REDIC1: variants seen among roughly 807,000 people sequenced by gnomAD.
The protein encoded by REDIC1 is regulator of DNA class I crossover intermediates 1.
the REDIC1 span, among the ~76,000 whole-genome samples, chr12:39,880,896 C>A: frequency 6.6e-6 from 1 of 152,194 alleles, no homozygotes; most frequent in Non-Finnish European, 1.5e-5. Flanking sequence ...CACCAATTTG[C>A]CACATTGACC....
chr12:39,745,419 G>GCT, the REDIC1 span, among the ~76,000 whole-genome samples: 8,722 of 152,194 alleles, frequency 0.057, 851 homozygotes, highest in African/African-American at 0.2. Flanking sequence ...ATAAAGCTGA[G>GCT]CTACTTAATG....
the REDIC1 span, among the ~76,000 whole-genome samples, chr12:39,870,913 G>A: frequency 6.6e-6 from 1 of 152,168 alleles, no homozygotes; most frequent in African/African-American, 2.4e-5. Flanking sequence ...GACTGAAACA[G>A]TTCTATTAGA....
chr12:39,795,340 T>C, the REDIC1 span, among the ~76,000 whole-genome samples: 1 of 152,318 alleles, frequency 6.6e-6, no homozygotes, highest in South Asian at 2.1e-4. Context: ...ACTTAATTTA[T>C]CATATATTTC....
At chr12:39,697,778 A>G in the REDIC1 span, among the ~76,000 whole-genome samples, 1 of 152,154 alleles carries the variant, frequency 6.6e-6, no homozygotes, top group Non-Finnish European at 1.5e-5. Context: ...AATAAAAAGT[A>G]AGAAAATAAA....
chr12:39,890,580 A>G, the REDIC1 span, among the ~76,000 whole-genome samples: 5 of 152,340 alleles, frequency 3.3e-5, no homozygotes, highest in Middle Eastern at 3.4e-3. Flanking sequence ...GATTTCTGAC[A>G]TACTAGACTG....
the REDIC1 span, among the ~76,000 whole-genome samples, chr12:39,852,963 C>T: frequency 6.6e-6 from 1 of 152,190 alleles, no homozygotes; most frequent in Non-Finnish European, 1.5e-5. Context: ...CCAGAAAATT[C>T]TGTAACCAAT....
the REDIC1 span, among the ~76,000 whole-genome samples, chr12:39,698,247 A>G: frequency 2.0e-5 from 3 of 152,194 alleles, no homozygotes; most frequent in East Asian, 1.9e-4. Flanking sequence ...TAGTTAGGCC[A>G]TGAGTGCTCC....
the REDIC1 span, among the ~76,000 whole-genome samples, chr12:39,712,131 T>G: frequency 3.5e-5 from 5 of 143,494 alleles, no homozygotes; most frequent in African/African-American, 1.3e-4. Context: ...TATACCTGTA[T>G]GTACATATAC....
chr12:39,692,857 G>C, the REDIC1 span, among the ~76,000 whole-genome samples: 1 of 151,924 alleles, frequency 6.6e-6, no homozygotes, highest in Non-Finnish European at 1.5e-5. Context: ...CATCTTCAAG[G>C]TAATGCTAAA....
the REDIC1 span, among the ~76,000 whole-genome samples, chr12:39,711,088 T>C: frequency 6.6e-6 from 1 of 151,514 alleles, no homozygotes; most frequent in Non-Finnish European, 1.5e-5. Context: ...TGTATCATAC[T>C]TATGACTTTG....
the REDIC1 span, among the ~76,000 whole-genome samples, chr12:39,751,267 G>A: frequency 6.6e-6 from 1 of 152,190 alleles, no homozygotes; most frequent in African/African-American, 2.4e-5. Flanking sequence ...CTCAAAAGAA[G>A]ACATTTATGC....
chr12:39,834,545 A>G, the REDIC1 span, among the ~76,000 whole-genome samples: 1 of 152,094 alleles, frequency 6.6e-6, no homozygotes, highest in Non-Finnish European at 1.5e-5. Flanking sequence ...TTTTATTAAA[A>G]AAGCATGAAA....
At chr12:39,705,511 A>G in the REDIC1 span, among the ~76,000 whole-genome samples, 1 of 152,142 alleles carries the variant, frequency 6.6e-6, no homozygotes, top group Non-Finnish European at 1.5e-5. Context: ...ACATCAAGAA[A>G]AGAAAACTAC....
chr12:39,798,031 A>C, the REDIC1 span, among the ~76,000 whole-genome samples: 1 of 152,200 alleles, frequency 6.6e-6, no homozygotes, highest in Non-Finnish European at 1.5e-5. Context: ...TCAGAAGCTA[A>C]GATCAAAGAT....
chr12:39,747,240 T>G, the REDIC1 span, among the ~76,000 whole-genome samples: 2 of 152,196 alleles, frequency 1.3e-5, no homozygotes, highest in African/African-American at 4.8e-5. Context: ...AATGACCTGA[T>G]GGAGCTGAAA....
At chr12:39,783,248 A>G in the REDIC1 span, among the ~76,000 whole-genome samples, 1 of 152,044 alleles carries the variant, frequency 6.6e-6, no homozygotes, top group Non-Finnish European at 1.5e-5. Context: ...TATGTGCCAC[A>G]TTTTCTTAAT....
the REDIC1 span, among the ~76,000 whole-genome samples, chr12:39,628,259 G>A: frequency 3.9e-4 from 59 of 152,068 alleles, no homozygotes; most frequent in African/African-American, 1.3e-3. Flanking sequence ...TATGTGGCGG[G>A]ATAGGCTTCT....
the REDIC1 span, among the ~76,000 whole-genome samples, chr12:39,701,202 C>T: frequency 0.79 from 120,136 of 151,652 alleles, 48,350 homozygotes; most frequent in Non-Finnish European, 0.86. Flanking sequence ...ATACCACGTG[C>T]GGAGACACAC....
chr12:39,739,160 T>C, the REDIC1 span, among the ~76,000 whole-genome samples: 6 of 152,202 alleles, frequency 3.9e-5, no homozygotes, highest in Non-Finnish European at 8.8e-5. Context: ...GATAAGATCA[T>C]GGTATTGAAT....
Sources: gnomAD v4.1 joint callset for allele counts (sites outside exome capture counted in the v4.1 genomes callset) on GRCh38, gnomAD v4.1.1 for gene constraint, MANE v1.5 for transcripts, NCBI Gene and HGNC (gene_info 2026-07-23, HGNC 2026-07-21) for gene names.